KLHL1: variants seen among roughly 807,000 people sequenced by gnomAD.
KLHL1 encodes the protein kelch like family member 1.
A neutral mutation model predicts 77.7 loss-of-function variants in KLHL1; 47 were observed. The ratio of observed to expected loss-of-function variants is 0.60; its 90% CI spans 0.48 to 0.77. KLHL1 has a LOEUF of 0.77. KLHL1 is among the 30% of genes least tolerant of loss of function. KLHL1 has a pLI of 0.00. For missense variants in KLHL1, 925 were observed against 910.8 expected (o/e 1.02, Z -0.20); for synonymous variants, 360 against 325.2 (o/e 1.11, Z -1.15).
intron 1 of KLHL1, among the ~76,000 whole-genome samples, chr13:70,029,164 T>C (rs1460375846): frequency 6.6e-6 from 1 of 152,064 alleles, no homozygotes; most frequent in Non-Finnish European, 1.5e-5. Context: ...GTAATGCACA[T>C]CCAAAACAAA....
At chr13:70,097,467 G>T (rs945853448) in intron 1 of KLHL1, among the ~76,000 whole-genome samples, 2 of 151,918 alleles carry the variant, frequency 1.3e-5, no homozygotes, top group Non-Finnish European at 1.5e-5. Flanking sequence ...TAATCTGAAT[G>T]AAGGTAAAAC....
chr13:69,840,853 A>G (rs1879230491), intron 5 of KLHL1, among the ~76,000 whole-genome samples: 1 of 151,592 alleles, frequency 6.6e-6, no homozygotes, highest in African/African-American at 2.4e-5. Flanking sequence ...TAAACTTTAT[A>G]ATTATGTTTC....
At chr13:69,882,883 G>A (rs1044327838) in intron 4 of KLHL1, among the ~76,000 whole-genome samples, 2 of 152,058 alleles carry the variant, frequency 1.3e-5, no homozygotes, top group Non-Finnish European at 2.9e-5. Context: ...TCAGAAAATG[G>A]CACTAAAATT....
At chr13:69,767,657 T>C (rs1875372419) in intron 7 of KLHL1, among the ~76,000 whole-genome samples, 1 of 152,222 alleles carries the variant, frequency 6.6e-6, no homozygotes, top group South Asian at 2.1e-4. Context: ...GATGATAACA[T>C]CAATAGATTA....
chr13:69,897,177 G>A (rs945731487), intron 4 of KLHL1, among the ~76,000 whole-genome samples: 3 of 152,046 alleles, frequency 2.0e-5, no homozygotes, highest in African/African-American at 7.2e-5. Context: ...TGATTTTCAG[G>A]GGAATCTTTG....
intron 5 of KLHL1, among the ~76,000 whole-genome samples, chr13:69,850,096 G>T (rs2138129897): frequency 6.6e-6 from 1 of 151,430 alleles, no homozygotes; most frequent in South Asian, 2.1e-4. Context: ...AATAATTTGG[G>T]CTCATGGACA....
intron 8 of KLHL1, among the ~76,000 whole-genome samples, chr13:69,723,958 C>A (rs556537893): frequency 6.6e-6 from 1 of 151,890 alleles, no homozygotes; most frequent in Non-Finnish European, 1.5e-5. Context: ...CTGCCTCAGC[C>A]TCCCAAGTAG....
At chr13:69,731,035 T>TA (rs150634154) in intron 8 of KLHL1, among the ~76,000 whole-genome samples, 7,976 of 152,068 alleles carry the variant, frequency 0.052, 360 homozygotes, top group African/African-American at 0.12. Context: ...TAGTAATGCT[T>TA]AAAAAATCAT....
Position 70,050,118 on chromosome 13 carries a change from AAAAC to A in KLHL1, c.497+57081_497+57084del, listed in dbSNP as rs367678894. Among the ~76,000 whole-genome samples, 758 of 152,136 alleles carry A rather than the reference AAAAC, an allele frequency of 5.0e-3. 7 individuals carry two copies. Among genetic ancestry groups the A allele is most frequent in the African/African-American group, 0.017 (727 of 41,578 alleles). ...TTAAATTGAGCAGATGACACTATAA[AAAAC>A]AAACAGCCTCTAATTTTATAATATT... On this transcript the variant is annotated intron_variant, in intron 1 of 10. Coordinates refer to ENST00000377844, the MANE Select transcript of KLHL1 (RefSeq NM_020866.3).
At chr13:69,849,692 TA>T (rs1235551600) in intron 5 of KLHL1, among the ~76,000 whole-genome samples, 1 of 146,526 alleles carries the variant, frequency 6.8e-6, no homozygotes, top group African/African-American at 2.5e-5. Context: ...CTTAAAGGCT[TA>T]AAAATATGCT....
At chr13:70,026,160 T>C (rs1885935154) in intron 1 of KLHL1, among the ~76,000 whole-genome samples, 1 of 152,138 alleles carries the variant, frequency 6.6e-6, no homozygotes, top group Admixed American at 6.6e-5. Context: ...ATAATCTAGG[T>C]AAATGGACAT....
In KLHL1 at chr13:69,800,533, C is replaced by G. The variant is rs1219082483; in HGVS notation, c.1415-3571G>C. On this transcript the variant is annotated intron_variant, in intron 6 of 10. Transcript: ENST00000377844. The stretch of plus-strand genomic sequence containing the variant: ...AGCCAATACAATTGATTTTCTTATT[C>G]AAATGTCAGCAGGTATTGTAAACAT... 5.9e-5 allele frequency among the ~76,000 whole-genome samples: 9 copies of G among 152,216 alleles called. No individual in the cohort carries two copies. In the East Asian group the frequency reaches 1.7e-3, roughly 29 times the overall value.
intron 1 of KLHL1, among the ~76,000 whole-genome samples, chr13:70,092,770 G>A (rs1043037718): frequency 3.3e-5 from 5 of 152,042 alleles, no homozygotes; most frequent in Admixed American, 6.6e-5. Flanking sequence ...GTGAAACATG[G>A]TTGCAACTGT....
At chr13:69,987,337 A>C (rs2137307805) in intron 1 of KLHL1, among the ~76,000 whole-genome samples, 1 of 152,134 alleles carries the variant, frequency 6.6e-6, no homozygotes, top group East Asian at 1.9e-4. Flanking sequence ...AAAGAAAACT[A>C]TTTTCTTGCA....
At chr13:69,851,677 C>G (rs1879696366) in intron 5 of KLHL1, among the ~76,000 whole-genome samples, 1 of 151,706 alleles carries the variant, frequency 6.6e-6, no homozygotes, top group South Asian at 2.1e-4. Flanking sequence ...ACTCCTCTCT[C>G]TTTCTAAATA....
At chr13:70,038,506 A>G (rs1427412913) in intron 1 of KLHL1, among the ~76,000 whole-genome samples, 1 of 145,220 alleles carries the variant, frequency 6.9e-6, no homozygotes, top group African/African-American at 2.5e-5. Context: ...TGGTTGTGCT[A>G]TTTTACATGT....
At chr13:69,723,617 C>A (rs1176625168) in intron 8 of KLHL1, among the ~76,000 whole-genome samples, 1 of 152,062 alleles carries the variant, frequency 6.6e-6, no homozygotes, top group Non-Finnish European at 1.5e-5. Context: ...CTCATTCAGG[C>A]CATGATAGAA....
intron 1 of KLHL1, among the ~76,000 whole-genome samples, chr13:70,003,927 T>C (rs1006533826): frequency 6.6e-5 from 10 of 151,740 alleles, no homozygotes; most frequent in African/African-American, 2.4e-4. Flanking sequence ...GTTAAGAGAA[T>C]GGACAAGAAG....
chr13:69,852,882 T>G (rs1040811364), intron 5 of KLHL1, among the ~76,000 whole-genome samples: 2 of 152,004 alleles, frequency 1.3e-5, no homozygotes, highest in African/African-American at 4.8e-5. Flanking sequence ...GAAAATATAT[T>G]TATTAATCTT....
Sources: allele counts gnomAD v4.1 joint callset (sites outside exome capture counted in the v4.1 genomes callset), GRCh38; gene constraint gnomAD v4.1.1; transcripts MANE v1.5; gene names NCBI Gene and HGNC (gene_info 2026-07-23, HGNC 2026-07-21).